The following PTPRT variants were observed in gnomAD, a reference collection of about 807,000 sequenced individuals.
PTPRT encodes protein tyrosine phosphatase receptor type T, also known as receptor-type tyrosine-protein phosphatase T.
PTPRT carries 56 observed loss-of-function variants against 176.8 expected under a neutral mutation model. That is an observed-to-expected ratio of 0.32 (90% CI 0.26 to 0.40). The LOEUF is 0.40. Among genes scored for constraint, PTPRT ranks in the 10% least tolerant of loss-of-function variants. The pLI is 1.00. For missense variants in PTPRT, 1,540 were observed against 1,908.2 expected, an observed-to-expected ratio of 0.81 and a Z score of 3.60; for synonymous variants, 783 against 739.0, an observed-to-expected ratio of 1.06 and a Z score of -0.96.
At chr20:42,464,350 T>C (rs2071070261) in intron 8 of PTPRT, among the ~76,000 whole-genome samples, 1 of 152,118 alleles carries the variant, frequency 6.6e-6, no homozygotes, top group African/African-American at 2.4e-5. Context: ...AGAGAGATAA[T>C]AAAGTAATCA....
intron 7 of PTPRT, among the ~76,000 whole-genome samples, chr20:42,584,265 G>A (rs1040692014): frequency 6.6e-6 from 1 of 152,022 alleles, no homozygotes; most frequent in African/African-American, 2.4e-5. Context: ...CCTCACAATG[G>A]CCCATAAATC....
chr20:42,634,970 A>G (rs2074562139), intron 7 of PTPRT, among the ~76,000 whole-genome samples: 2 of 152,210 alleles, frequency 1.3e-5, no homozygotes, highest in South Asian at 4.1e-4. Flanking sequence ...CCTCAGCCCC[A>G]AGCACAGTGC....
At chr20:42,366,254 C>A (rs1265813693) in intron 9 of PTPRT, among the ~76,000 whole-genome samples, 1 of 152,230 alleles carries the variant, frequency 6.6e-6, no homozygotes, top group Non-Finnish European at 1.5e-5. Context: ...TCTTCCCTCC[C>A]CTGAGTGCCC....
chr20:42,403,112 C>T (rs12624949), intron 9 of PTPRT, among the ~76,000 whole-genome samples: 16,554 of 152,128 alleles, frequency 0.11, 1,066 homozygotes, highest in East Asian at 0.23. Context: ...TTACCTCCCC[C>T]CTTTTCTTTT....
At chr20:42,561,945 C>T (rs536781858) in intron 7 of PTPRT, among the ~76,000 whole-genome samples, 9 of 152,254 alleles carry the variant, frequency 5.9e-5, no homozygotes, top group African/African-American at 1.4e-4. Context: ...TACCTCCATC[C>T]GATTGGTGAT....
At position 42,954,036 on chromosome 20, in the gene PTPRT, G is replaced by T. The variant is rs139459628; in HGVS notation, c.89-68104C>A. On this transcript the variant is annotated intron_variant, in intron 1 of 30. Coordinates refer to ENST00000373187, the MANE Select transcript of PTPRT (RefSeq NM_007050.6). ...TGGACGAGTCTGGGAGATGTCACAG[G>T]GGGAGGAGGGACTCTAAGACCTCCC... 1.6e-4 allele frequency among the ~76,000 whole-genome samples: 25 copies of T among 152,224 alleles called. No homozygotes were observed. The East Asian group carries it at 4.7e-3, about 28-fold the overall frequency.
chr20:42,067,497 C>T, the PTPRT span, among the ~76,000 whole-genome samples: 1 of 152,160 alleles, frequency 6.6e-6, no homozygotes, highest in African/African-American at 2.4e-5. Context: ...ACTGGTCAAC[C>T]ACCCTCTTGC....
At chr20:42,401,398 G>T (rs1046749170) in intron 9 of PTPRT, among the ~76,000 whole-genome samples, 38 of 151,984 alleles carry the variant, frequency 2.5e-4, no homozygotes, top group African/African-American at 8.9e-4. Context: ...TGTTAATAAT[G>T]ATAATAATAA....
At chr20:42,610,379 G>GTTTTTTTTTTTTTT in intron 7 of PTPRT, among the ~76,000 whole-genome samples, 1 of 136,432 alleles carries the variant, frequency 7.3e-6, no homozygotes, top group Non-Finnish European at 1.6e-5. Flanking sequence ...TACTTGTTTT[G>GTTTTTTTTTTTTTT]TTTTTTTTTT....
At chr20:42,877,510 C>T (rs1275691886) in intron 2 of PTPRT, among the ~76,000 whole-genome samples, 3 of 152,112 alleles carry the variant, frequency 2.0e-5, no homozygotes, top group African/African-American at 7.2e-5. Context: ...CGTGTGATTA[C>T]ACAGAAGGGG....
At chr20:42,199,051 T>C (rs1991343699) in intron 16 of PTPRT, among the ~76,000 whole-genome samples, 189 bp downstream of exon 16, 1 of 152,174 alleles carries the variant, frequency 6.6e-6, no homozygotes, top group South Asian at 2.1e-4. Flanking sequence ...ATTTTTTAAA[T>C]ATTCCTTTTC....
At chr20:42,923,025 T>C (rs1331745897) in intron 1 of PTPRT, among the ~76,000 whole-genome samples, 1 of 152,034 alleles carries the variant, frequency 6.6e-6, no homozygotes, top group Non-Finnish European at 1.5e-5. Flanking sequence ...TTATAGCCCA[T>C]CTTTGTAGAC....
intron 9 of PTPRT, among the ~76,000 whole-genome samples, chr20:42,402,864 G>A (rs1463373293): frequency 2.0e-5 from 3 of 152,026 alleles, no homozygotes; most frequent in South Asian, 2.1e-4. Context: ...ATACACATGC[G>A]TGTGCTTGTA....
chr20:42,762,876 C>T (rs1393876798), intron 5 of PTPRT, among the ~76,000 whole-genome samples: 2 of 152,194 alleles, frequency 1.3e-5, no homozygotes, highest in Non-Finnish European at 2.9e-5. Context: ...TTTTCTTTCC[C>T]CTTTTTCAAC....
At position 42,299,812 on chromosome 20, in the gene PTPRT, T is replaced by G. The variant is rs183725726; in HGVS notation, c.2139+15911A>C. Among the ~76,000 whole-genome samples the G allele has an allele frequency of 6.5e-3, 985 of 151,838 alleles. 26 individuals are homozygous for G. The highest frequency in any genetic ancestry group is 0.046 in the Admixed American group (704 of 15,272). Reference sequence around the variant, plus strand: ...ACAGGCATGCACCACCACGCCCAGCTAATTTTTTGTATTTTTAGTAGAGAT... The same window carrying G: ...ACAGGCATGCACCACCACGCCCAGCGAATTTTTTGTATTTTTAGTAGAGAT... On this transcript the variant is annotated intron_variant, in intron 12 of 30. Coordinates refer to ENST00000373187, the MANE Select transcript of PTPRT (RefSeq NM_007050.6).
At chr20:43,106,191 T>C (rs1334664667) in intron 1 of PTPRT, among the ~76,000 whole-genome samples, 2 of 152,132 alleles carry the variant, frequency 1.3e-5, no homozygotes, top group African/African-American at 4.8e-5. Flanking sequence ...AACTTCTGGG[T>C]TCCTCTGCCC....
At chr20:42,163,044 T>C (rs1989674088) in intron 16 of PTPRT, among the ~76,000 whole-genome samples, 1 of 152,186 alleles carries the variant, frequency 6.6e-6, no homozygotes, top group African/African-American at 2.4e-5. Flanking sequence ...ACAGGAATGG[T>C]TGGTCACCCT....
In PTPRT at chr20:42,104,550, GC is replaced by G; in HGVS notation, c.3540+18del. On this transcript the variant is annotated intron_variant, in intron 25 of 30. Coordinates refer to ENST00000373187, the MANE Select transcript of PTPRT (RefSeq NM_007050.6). ...CCAAACTGACTAAGATGGTCACCGA[GC>G]CTGGGATTTGCTCATACCTGAAATT... The G allele has an allele frequency of 6.2e-7, 1 of 1,604,328 alleles. No individual in the cohort carries two copies. The highest frequency in any genetic ancestry group is 8.5e-7 in the Non-Finnish European group (1 of 1,172,332).
chr20:43,049,278 T>G (rs955359482), intron 1 of PTPRT, among the ~76,000 whole-genome samples: 1 of 152,176 alleles, frequency 6.6e-6, no homozygotes, highest in African/African-American at 2.4e-5. Context: ...GCAGACCCAA[T>G]TTATATATCT....
Sources: gnomAD v4.1 joint callset for allele counts (sites outside exome capture counted in the v4.1 genomes callset) on GRCh38, gnomAD v4.1.1 for gene constraint, MANE v1.5 for transcripts, NCBI Gene and HGNC (gene_info 2026-07-23, HGNC 2026-07-21) for gene names.